Variants in RNF43 observed in about 807,000 individuals in gnomAD.
The protein encoded by RNF43 is E3 ubiquitin-protein ligase RNF43.
RNF43 carries 37 observed loss-of-function variants against 78.4 expected under a neutral mutation model. The observed-to-expected ratio is 0.47, with a 90% CI of 0.36 to 0.62. The LOEUF (loss-of-function observed/expected upper bound fraction) is 0.62. Ranked by LOEUF, RNF43 falls within the 20% of genes least tolerant of loss-of-function variation. RNF43 has a pLI of 0.00. For missense variants in RNF43, 774 were observed against 1,007.9 expected (o/e 0.77, Z 3.14); for synonymous variants, 347 against 395.0 (o/e 0.88, Z 1.44).
At chr17:58,390,377 AG>A (rs1225352541) in intron 2 of RNF43, among the ~76,000 whole-genome samples, 1 of 152,220 alleles carries the variant, frequency 6.6e-6, no homozygotes, top group East Asian at 1.9e-4. Flanking sequence ...AGTTGAAGAA[AG>A]TGAGGCAAAT....
At chr17:58,395,109 C>T (rs1378709679) in intron 2 of RNF43, 1 of 152,208 alleles carries the variant, frequency 6.6e-6, no homozygotes, top group Admixed American at 6.5e-5. Flanking sequence ...ATAAGAAACA[C>T]TGATTTCCTT....
At chr17:58,379,121 C>T (rs1973262946) in intron 2 of RNF43, among the ~76,000 whole-genome samples, 1 of 152,150 alleles carries the variant, frequency 6.6e-6, no homozygotes, top group Admixed American at 6.5e-5. Flanking sequence ...AATTCAACCC[C>T]ACACTGCCTC....
chr17:58,385,119 TG>T, intron 2 of RNF43, among the ~76,000 whole-genome samples: 1 of 152,318 alleles, frequency 6.6e-6, no homozygotes, highest in Non-Finnish European at 1.5e-5. Flanking sequence ...CCTCACTTGT[TG>T]CCTCTTCCTC....
At chr17:58,400,487 A>C (rs1326669620) in intron 2 of RNF43, among the ~76,000 whole-genome samples, 1 of 152,216 alleles carries the variant, frequency 6.6e-6, no homozygotes, top group African/African-American at 2.4e-5. Flanking sequence ...AATAATACCT[A>C]ACATTTGCCA....
intron 2 of RNF43, among the ~76,000 whole-genome samples, chr17:58,392,419 T>C (rs939340156): frequency 6.6e-6 from 1 of 152,110 alleles, no homozygotes; most frequent in African/African-American, 2.4e-5. Context: ...CTTAGGAAAA[T>C]AGTCATTTTT....
chr17:58,380,225 G>A (rs1280079654), intron 2 of RNF43, among the ~76,000 whole-genome samples: 1 of 152,146 alleles, frequency 6.6e-6, no homozygotes, highest in Non-Finnish European at 1.5e-5. Flanking sequence ...ATCTTATAAG[G>A]AGTACCACTG....
chr17:58,388,118 T>C (rs796273474), intron 2 of RNF43, among the ~76,000 whole-genome samples: 1 of 152,340 alleles, frequency 6.6e-6, no homozygotes, highest in African/African-American at 2.4e-5. Flanking sequence ...AATGAGTTCT[T>C]AGGGTATAGG....
At chr17:58,356,571 T>C (rs1370127628) in intron 9 of RNF43, among the ~76,000 whole-genome samples, 3 of 152,228 alleles carry the variant, frequency 2.0e-5, no homozygotes, top group African/African-American at 7.2e-5. Flanking sequence ...TAATGATGTG[T>C]TGAAGGGAAG....
chr17:58,393,992 C>A (rs187705914), intron 2 of RNF43, among the ~76,000 whole-genome samples: 130 of 152,184 alleles, frequency 8.5e-4, no homozygotes, highest in African/African-American at 2.9e-3. Flanking sequence ...GGAGGCGGAG[C>A]TTGCAGTGAG....
In RNF43 at chr17:58,358,113, G is replaced by A. The variant is rs2143404333; in HGVS notation, c.1663C>T (p.His555Tyr). The A allele has an allele frequency of 6.2e-7, 1 of 1,612,656 alleles. No individual in the cohort carries two copies. The highest frequency in any genetic ancestry group is 8.5e-7 in the Non-Finnish European group (1 of 1,179,388). Residue 555 changes from histidine (H) to tyrosine (Y), a missense_variant, in exon 9 of 10, where the codon CAC becomes TAC. Transcript: ENST00000407977. The surrounding 1 kb of genome is among the most constrained non-coding windows in gnomAD (Gnocchi z 6.2). ...TGGAACCGCTTTTTGTAGTGGTGGTGCCGGTGGCGGTGGTAGTGGACATGG... is the reference window on the plus strand; with the variant it reads ...TGGAACCGCTTTTTGTAGTGGTGGTACCGGTGGCGGTGGTAGTGGACATGG... ...SSHVHYHRHRHHHYKKRFQWH... is the reference protein window; with the variant it reads ...SSHVHYHRHRYHHYKKRFQWH...
intron 3 of RNF43, among the ~76,000 whole-genome samples, chr17:58,367,311 T>C (rs1972978364): frequency 6.6e-6 from 1 of 152,038 alleles, no homozygotes. Context: ...GGTCCTTATA[T>C]CAACTATTAT....
At chr17:58,412,654 A>AGG (rs11338360) in intron 2 of RNF43, among the ~76,000 whole-genome samples, 2 of 134,132 alleles carry the variant, frequency 1.5e-5, no homozygotes, top group Non-Finnish European at 3.2e-5. Context: ...CACATTGTCA[A>AGG]GGGGGGGGGT....
At chr17:58,362,697 G>C in intron 5 of RNF43, 49 bp from the exon 6 acceptor site, 1 of 1,441,690 alleles carries the variant, frequency 6.9e-7, no homozygotes. Flanking sequence ...GGATGAGCTG[G>C]GTCAATTCGG....
At chr17:58,362,725 C>T (rs978387108) in intron 5 of RNF43, 77 bp from the exon 6 acceptor site, 16 of 1,145,404 alleles carry the variant, frequency 1.4e-5, no homozygotes, top group South Asian at 2.9e-5. Flanking sequence ...CACAGGAGCC[C>T]GGGAGGCACA....
chr17:58,361,237 C>T (rs1972829104), intron 6 of RNF43, among the ~76,000 whole-genome samples: 1 of 152,248 alleles, frequency 6.6e-6, no homozygotes, highest in Admixed American at 6.5e-5. Flanking sequence ...GCATTTCAAA[C>T]TTATAGGCCT....
At chr17:58,359,714 G>T (rs1972788030) in intron 8 of RNF43, among the ~76,000 whole-genome samples, 1 of 151,940 alleles carries the variant, frequency 6.6e-6, no homozygotes, top group African/African-American at 2.4e-5. Flanking sequence ...ATCACCTGAG[G>T]TCAGCAGTTT....
At chr17:58,366,229 C>T (rs1365320802) in intron 3 of RNF43, among the ~76,000 whole-genome samples, 4 of 152,220 alleles carry the variant, frequency 2.6e-5, no homozygotes, top group African/African-American at 9.7e-5. Context: ...CTCCCCTCTA[C>T]TATCCCCTCC....
chr17:58,405,857 A>T (rs1973902438), intron 2 of RNF43, among the ~76,000 whole-genome samples: 1 of 152,222 alleles, frequency 6.6e-6, no homozygotes, highest in African/African-American at 2.4e-5. Context: ...GTTTAAGTTG[A>T]TTCTCCTCAG....
intron 2 of RNF43, among the ~76,000 whole-genome samples, chr17:58,375,828 C>G (rs181100553): frequency 1.3e-5 from 2 of 152,342 alleles, no homozygotes; most frequent in Admixed American, 6.5e-5. Flanking sequence ...TCTTTTCCCT[C>G]CTTCCCTTCC....
Sources: allele counts gnomAD v4.1 joint callset (sites outside exome capture counted in the v4.1 genomes callset), GRCh38; gene constraint gnomAD v4.1.1; non-coding constraint Gnocchi (gnomAD v3.1); transcripts MANE v1.5; gene names NCBI Gene and HGNC (gene_info 2026-07-23, HGNC 2026-07-21).